The following RBMS3 variants were observed in gnomAD, a reference collection of about 807,000 sequenced individuals.
The protein encoded by RBMS3 is RNA-binding motif, single-stranded-interacting protein 3.
In RBMS3, 27 loss-of-function variants were observed where a neutral mutation model predicts 66.8. The ratio of observed to expected loss-of-function variants is 0.40; its 90% confidence interval spans 0.30 to 0.56. The LOEUF (loss-of-function observed/expected upper bound fraction) is 0.56. RBMS3 is among the 20% of genes least tolerant of loss of function. RBMS3 has a pLI of 0.40. For synonymous variants in RBMS3, 188 were observed against 183.0 expected (o/e 1.03, Z -0.22); for missense variants, 513 against 549.5 (o/e 0.93, Z 0.66).
At chr3:29,774,970 C>T (rs1407580240) in intron 6 of RBMS3, among the ~76,000 whole-genome samples, 3 of 151,506 alleles carry the variant, frequency 2.0e-5, no homozygotes, top group Admixed American at 2.0e-4. Context: ...CGTGTCTAAA[C>T]AAGTTTTGGG....
intron 3 of RBMS3, among the ~76,000 whole-genome samples, chr3:29,528,648 T>G (rs1223627548): frequency 2.6e-5 from 4 of 152,252 alleles, no homozygotes; most frequent in Non-Finnish European, 4.4e-5. Flanking sequence ...TTTTTAACTT[T>G]AGGTATTTTT....
rs1484585292 is a variant in RBMS3 at position 29,368,615 on chromosome 3, G to T, written c.76-66128G>T. 1.3e-5 allele frequency among the ~76,000 whole-genome samples: 2 copies of T among 151,560 alleles called. 1 individual carries two copies. The highest frequency in any genetic ancestry group is 1.3e-4 in the Admixed American group (2 of 15,210). On this transcript the variant is annotated intron_variant, in intron 1 of 14. Transcript: ENST00000383767. ...GTTTAAATAGAATGAAGAAAAATGA[G>T]ATTTTTTTAGATTTTTTGAGTTTGT...
chr3:29,705,903 C>G (rs1419968848), intron 4 of RBMS3, among the ~76,000 whole-genome samples: 2 of 152,186 alleles, frequency 1.3e-5, no homozygotes, highest in African/African-American at 4.8e-5. Context: ...GGTTTGTTTA[C>G]TGCCTGAAAA....
chr3:29,772,760 C>A (rs1368042768), intron 6 of RBMS3, among the ~76,000 whole-genome samples: 1 of 151,680 alleles, frequency 6.6e-6, no homozygotes. Context: ...TAAAGTAAGG[C>A]CAAATAAAGA....
chr3:29,721,956 A>G (rs2053660779), intron 4 of RBMS3, among the ~76,000 whole-genome samples: 2 of 152,162 alleles, frequency 1.3e-5, no homozygotes, highest in African/African-American at 4.8e-5. Context: ...CAAATGAACC[A>G]AACAAATAAA....
At chr3:29,470,657 C>T (rs2042693400) in intron 2 of RBMS3, among the ~76,000 whole-genome samples, 1 of 151,838 alleles carries the variant, frequency 6.6e-6, no homozygotes, top group South Asian at 2.1e-4. Flanking sequence ...TAGACATGTA[C>T]ATTGGTAAAA....
At chr3:29,423,658 T>A (rs1468712570) in intron 1 of RBMS3, among the ~76,000 whole-genome samples, 2 of 152,244 alleles carry the variant, frequency 1.3e-5, no homozygotes, top group Non-Finnish European at 2.9e-5. Flanking sequence ...ATGATGAGAA[T>A]GTTCTGTGTC....
rs557284254 is a variant in RBMS3 at position 29,815,301 on chromosome 3, C to A, written c.637+52312C>A. 2.2e-4 allele frequency among the ~76,000 whole-genome samples: 33 copies of A among 152,292 alleles called. No homozygotes were observed. The East Asian group carries it at 5.6e-3, about 26-fold the overall frequency. On this transcript the variant is annotated intron_variant, in intron 6 of 14. Transcript: ENST00000383767. The stretch of plus-strand genomic sequence containing the variant: ...CCAAAACCTTAGATATCACCCATGT[C>A]AAATACCCTGCAGCAATTATTATTT...
chr3:29,357,699 T>C (rs910134111), intron 1 of RBMS3, among the ~76,000 whole-genome samples: 2 of 152,150 alleles, frequency 1.3e-5, no homozygotes, highest in African/African-American at 4.8e-5. Flanking sequence ...TCCACATCCT[T>C]TCCAGTACCT....
intron 3 of RBMS3, among the ~76,000 whole-genome samples, chr3:29,584,320 T>C (rs1321194093): frequency 6.6e-6 from 1 of 152,164 alleles, no homozygotes; most frequent in Non-Finnish European, 1.5e-5. Flanking sequence ...TTTCTTCTTA[T>C]GTAATGCCTA....
chr3:29,478,896 A>G (rs753653944), intron 2 of RBMS3, among the ~76,000 whole-genome samples: 5 of 152,204 alleles, frequency 3.3e-5, no homozygotes, highest in Non-Finnish European at 7.3e-5. Context: ...ATATGCAGCT[A>G]TGTTATTTCC....
chr3:29,351,125 C>A (rs1381893539), intron 1 of RBMS3, among the ~76,000 whole-genome samples: 1 of 152,134 alleles, frequency 6.6e-6, no homozygotes, highest in Non-Finnish European at 1.5e-5. Flanking sequence ...AGCACTACCT[C>A]ATTCTTTTTA....
At chr3:29,775,863 G>A (rs2056410771) in intron 6 of RBMS3, among the ~76,000 whole-genome samples, 1 of 151,830 alleles carries the variant, frequency 6.6e-6, no homozygotes, top group Admixed American at 6.6e-5. Flanking sequence ...AAATAGTAAA[G>A]TCTCCTATTG....
chr3:29,381,421 A>G (rs2125624220), intron 1 of RBMS3, among the ~76,000 whole-genome samples: 1 of 152,298 alleles, frequency 6.6e-6, no homozygotes, highest in Admixed American at 6.5e-5. Context: ...TTCTAGCTGT[A>G]ACCTACCAGC....
chr3:29,524,415 A>ATTTTTTTTTTTTTTTTTTTTTTTTTTTTT lies in RBMS3; in HGVS notation c.307+35917_307+35945dup, dbSNP rs1222102515. 3.5e-5 allele frequency among the ~76,000 whole-genome samples: 2 copies of ATTTTTTTTTTTTTTTTTTTTTTTTTTTTT among 57,074 alleles called. 1 individual carries two copies. Among genetic ancestry groups the ATTTTTTTTTTTTTTTTTTTTTTTTTTTTT allele is most frequent in the Non-Finnish European group, 6.2e-5 (2 of 32,458 alleles). 37.4% of individuals were successfully genotyped at this position (57,074 alleles called of 152,430 possible). A position where few individuals can be genotyped will look rare whatever the true frequency, so the allele number is the denominator to read the frequency against. ...GGAAGATATGAGTGACTCCCTTTAC[A>ATTTTTTTTTTTTTTTTTTTTTTTTTTTTT]TTTTTTTTTTTTTTTTTTTTTTTTT... On this transcript the variant is annotated intron_variant, in intron 3 of 14. Transcript: ENST00000383767.
chr3:29,389,825 T>C (rs1288564012), intron 1 of RBMS3, among the ~76,000 whole-genome samples: 1 of 152,166 alleles, frequency 6.6e-6, no homozygotes, highest in Non-Finnish European at 1.5e-5. Flanking sequence ...AAGGCTCTGC[T>C]GTTTGAGGAC....
chr3:29,837,656 T>C lies in RBMS3; in HGVS notation c.638-31202T>C, dbSNP rs1032552218. ...GATATATATAATGAACATATATATA[T>C]AATGAACATATATATATATATATAT... On this transcript the variant is annotated intron_variant, in intron 6 of 14. Coordinates refer to ENST00000383767, the MANE Select transcript of RBMS3 (RefSeq NM_001003793.3). 9.9e-5 allele frequency among the ~76,000 whole-genome samples: 10 copies of C among 101,494 alleles called. No individual in the cohort carries two copies. The East Asian group carries it at 2.8e-3, about 29-fold the overall frequency. The allele number at this position is 101,494 out of a possible 152,430, so 66.6% of individuals were successfully genotyped here.
chr3:29,344,265 C>T (rs1399112332), intron 1 of RBMS3, among the ~76,000 whole-genome samples: 1 of 152,104 alleles, frequency 6.6e-6, no homozygotes, highest in African/African-American at 2.4e-5. Flanking sequence ...GGCATGTTGT[C>T]GACCAGGTGC....
chr3:29,721,201 A>G (rs1349631585), intron 4 of RBMS3, among the ~76,000 whole-genome samples: 1 of 152,162 alleles, frequency 6.6e-6, no homozygotes, highest in Non-Finnish European at 1.5e-5. Context: ...ATTTGGCTTA[A>G]CAGTTGTACT....
Sources: allele counts gnomAD v4.1 joint callset (sites outside exome capture counted in the v4.1 genomes callset), GRCh38; gene constraint gnomAD v4.1.1; transcripts MANE v1.5; gene names NCBI Gene and HGNC (gene_info 2026-07-23, HGNC 2026-07-21).